The following C2CD2 variants were observed in gnomAD, a reference collection of about 807,000 sequenced individuals.
C2CD2 encodes the protein C2 domain-containing protein 2.
In C2CD2, 43 loss-of-function variants were observed where a neutral mutation model predicts 74.3. The observed-to-expected ratio is 0.58, with a 90% CI of 0.45 to 0.75. The LOEUF (loss-of-function observed/expected upper bound fraction) is 0.75, where lower values mean the gene tolerates loss of function less well. C2CD2 is among the 30% of genes least tolerant of loss of function. The probability of loss-of-function intolerance (pLI) is 0.00; values close to 1 mark genes in which losing one functional copy is unlikely to be tolerated. For missense variants in C2CD2, 801 were observed against 916.3 expected, an observed-to-expected ratio of 0.87 and a Z score of 1.63; for synonymous variants, 422 against 390.7, an observed-to-expected ratio of 1.08 and a Z score of -0.94.
At position 41,885,873 on chromosome 21, in the gene C2CD2, G is replaced by A. The variant is rs1476554207; in HGVS notation, c.*3251C>T. On this transcript the variant is annotated 3_prime_UTR_variant, in exon 14 of 14. Coordinates refer to ENST00000380486, the MANE Select transcript of C2CD2 (RefSeq NM_015500.2). ...GTGGCGACTGGTCGAGTAGCAGTTG[G>A]TCATAAGGGATCAGGGCTGGTTTTG... is the stretch of plus-strand genomic sequence containing the variant. The A allele has an allele frequency of 1.3e-5, 2 of 152,410 alleles. No individual in the cohort carries two copies. Among genetic ancestry groups the A allele is most frequent in the Non-Finnish European group, 2.9e-5 (2 of 68,050 alleles). 9.4% of individuals were successfully genotyped at this position (152,410 alleles called of 1,614,324 possible).
intron 2 of C2CD2, among the ~76,000 whole-genome samples, chr21:41,927,615 C>T (rs930300851): frequency 4.0e-5 from 6 of 151,572 alleles, no homozygotes; most frequent in African/African-American, 1.5e-4. Flanking sequence ...GGACTACAGG[C>T]ACGTGCCACC....
intron 1 of C2CD2, among the ~76,000 whole-genome samples, chr21:41,944,733 G>A (rs2065385050): frequency 6.6e-6 from 1 of 152,086 alleles, no homozygotes; most frequent in African/African-American, 2.4e-5. Context: ...TGTCAATGCT[G>A]ACAGAACCCT....
intron 2 of C2CD2, among the ~76,000 whole-genome samples, chr21:41,937,652 T>C (rs989538400): frequency 9.2e-5 from 14 of 152,184 alleles, no homozygotes; most frequent in African/African-American, 2.9e-4. Flanking sequence ...AAAATCAGTA[T>C]GTTGAAAAGA....
chr21:41,901,140 G>A lies in C2CD2; in HGVS notation c.1560+482C>T, dbSNP rs553049502. The A allele has an allele frequency of 1.5e-4, 32 of 209,702 alleles. 1 individual carries two copies. In the South Asian group the frequency reaches 2.2e-3, roughly 14 times the overall value. The allele number at this position is 209,702 out of a possible 1,614,324, so 13.0% of individuals were successfully genotyped here. ...CTGCTCTGAGCGGACGTCCCAGAGC[G>A]GGAGAAGGGGGAGAAAGGGAGTGCG... On this transcript the variant is annotated intron_variant, in intron 12 of 13. Coordinates refer to ENST00000380486, the MANE Select transcript of C2CD2 (RefSeq NM_015500.2).
rs569047656 is a variant in C2CD2, at chr21:41,916,162, G to A, written c.721-1441C>T. Among the ~76,000 whole-genome samples, 64 of 152,308 alleles carry A rather than the reference G, an allele frequency of 4.2e-4. 1 individual carries two copies. The highest frequency in any genetic ancestry group is 1.4e-3 in the African/African-American group (60 of 41,552). On this transcript the variant is annotated intron_variant, in intron 5 of 13. Coordinates refer to ENST00000380486, the MANE Select transcript of C2CD2 (RefSeq NM_015500.2). ...CAAGGACATGAGCACTGGGGACAGA[G>A]CAATCTACTTGTCTGGGACAGAGAT...
rs766744135 is a variant in C2CD2 at position 41,892,105 on chromosome 21, C to T, written c.1871-2761G>A. ...TTAAAATTAGATCATTGGGGTGGCC[C>T]GTGATCCAATATGCCTGCTGTCCTT... On this transcript the variant is annotated intron_variant, in intron 13 of 13. Coordinates refer to ENST00000380486, the MANE Select transcript of C2CD2 (RefSeq NM_015500.2). This position sits in a 1 kb window ranked among gnomAD's most constrained non-coding sequence, Gnocchi z 4.6. Among the ~76,000 whole-genome samples the T allele has an allele frequency of 6.6e-6, 1 of 152,090 alleles. No individual in the cohort carries two copies. Among genetic ancestry groups the T allele is most frequent in the African/African-American group, 2.4e-5 (1 of 41,414 alleles).
chr21:41,938,737 T>G (rs1166791318), intron 2 of C2CD2, among the ~76,000 whole-genome samples: 1 of 150,214 alleles, frequency 6.7e-6, no homozygotes, highest in Non-Finnish European at 1.5e-5. Flanking sequence ...ATGTCCTTGC[T>G]TTCTCTTTTT....
chr21:41,896,983 G>C (rs1162772079), intron 13 of C2CD2, among the ~76,000 whole-genome samples: 2 of 152,248 alleles, frequency 1.3e-5, no homozygotes, highest in African/African-American at 2.4e-5. Context: ...GCACGGCTGA[G>C]CCTCTCTGCT....
intron 13 of C2CD2, among the ~76,000 whole-genome samples, chr21:41,891,045 C>T (rs1461192959): frequency 6.6e-6 from 1 of 152,196 alleles, no homozygotes; most frequent in East Asian, 1.9e-4. Flanking sequence ...CTTTTTATGA[C>T]GTGTCATTTG....
At position 41,895,431 on chromosome 21, in the gene C2CD2, T is replaced by C. The variant is rs1441997005; in HGVS notation, c.1870+3622A>G. 2.0e-5 allele frequency among the ~76,000 whole-genome samples: 3 copies of C among 152,290 alleles called. No homozygotes were observed. In the East Asian group the frequency reaches 5.8e-4, roughly 29 times the overall value. On this transcript the variant is annotated intron_variant, in intron 13 of 13. Transcript: ENST00000380486. This position sits in a 1 kb window ranked among gnomAD's most constrained non-coding sequence, Gnocchi z 5.0. ...CTACGGTCAACAATAGCCGGGGCCA[T>C]GTTGATTGCATGAAGCCTGACTACT...
chr21:41,930,715 A>AAAAAAAAAG (rs927879206), intron 2 of C2CD2, among the ~76,000 whole-genome samples: 13 of 149,924 alleles, frequency 8.7e-5, no homozygotes, highest in Non-Finnish European at 1.9e-4. Flanking sequence ...ACAAAACAAA[A>AAAAAAAAAG]AAAAAAAGAA....
rs927030996 is a variant in C2CD2, at chr21:41,903,887, C to T, written c.1432+1837G>A. ...GACCCCGCAGCATGGGCAGTGGGGG[C>T]ACTGCCAGGGGAAGAAACTGAGGAA... is the stretch of plus-strand genomic sequence containing the variant. On this transcript the variant is annotated intron_variant, in intron 11 of 13. Coordinates refer to ENST00000380486, the MANE Select transcript of C2CD2 (RefSeq NM_015500.2). This position sits in a 1 kb window ranked among gnomAD's most constrained non-coding sequence, Gnocchi z 4.5. Among the ~76,000 whole-genome samples the T allele has an allele frequency of 5.9e-5, 9 of 152,264 alleles. No homozygotes were observed. The highest frequency in any genetic ancestry group is 2.2e-4 in the African/African-American group (9 of 41,552).
intron 1 of C2CD2, among the ~76,000 whole-genome samples, chr21:41,944,493 GC>G (rs1233505488): frequency 2.2e-5 from 3 of 133,782 alleles, no homozygotes; most frequent in Non-Finnish European, 4.6e-5. Flanking sequence ...CTGCACTTGA[GC>G]CTGGGCGACA....
At chr21:41,906,967 CT>C in intron 10 of C2CD2, 24 bp downstream of exon 10, 5 of 1,599,748 alleles carry the variant, frequency 3.1e-6, no homozygotes, top group Non-Finnish European at 3.4e-6. Flanking sequence ...CAGAAAGTTC[CT>C]CGACTGCGTT....
chr21:41,921,306 C>A (rs1313794277), intron 3 of C2CD2, among the ~76,000 whole-genome samples: 1 of 152,156 alleles, frequency 6.6e-6, no homozygotes, highest in East Asian at 1.9e-4. Flanking sequence ...TTTTTAAATA[C>A]CAGCTAAAGA....
chr21:41,890,519 G>A (rs1003557241), intron 13 of C2CD2, among the ~76,000 whole-genome samples: 3 of 152,238 alleles, frequency 2.0e-5, no homozygotes, highest in Non-Finnish European at 4.4e-5. Flanking sequence ...TGGCAAGGTC[G>A]AGGGAGTAAG....
In C2CD2 at chr21:41,947,140, C is replaced by CT. The variant is rs71188693; in HGVS notation, c.280-4896_280-4895insA. On this transcript the variant is annotated intron_variant, in intron 1 of 13. Transcript: ENST00000380486. ...TCTCTCTCTCTCTCTCTCTCTCTCT[C>CT]CCTCCCTCCCTCCCTCCCTCTCTCC... Among the ~76,000 whole-genome samples the CT allele has an allele frequency of 5.3e-3, 636 of 120,882 alleles. 10 individuals are homozygous for CT. Among genetic ancestry groups the CT allele is most frequent in the African/African-American group, 0.018 (535 of 30,290 alleles). The allele number at this position is 120,882 out of a possible 152,430, so 79.3% of individuals were successfully genotyped here.
intron 1 of C2CD2, among the ~76,000 whole-genome samples, chr21:41,948,609 G>C (rs112577445): frequency 4.6e-5 from 7 of 152,248 alleles, no homozygotes; most frequent in African/African-American, 1.4e-4. Flanking sequence ...GCCCCAAAGA[G>C]GCCCAAGTTC....
chr21:41,918,008 G>A (rs1779827811), intron 5 of C2CD2, 97 bp downstream of exon 5: 1 of 1,427,274 alleles, frequency 7.0e-7, no homozygotes. Flanking sequence ...ACCATGGGAG[G>A]TGGAGGAACG....
Sources: allele counts gnomAD v4.1 joint callset (sites outside exome capture counted in the v4.1 genomes callset), GRCh38; gene constraint gnomAD v4.1.1; non-coding constraint Gnocchi (gnomAD v3.1); transcripts MANE v1.5; gene names NCBI Gene and HGNC (gene_info 2026-07-23, HGNC 2026-07-21).